The following DAAM1 variants were observed in gnomAD, a reference collection of about 807,000 sequenced individuals.
The protein encoded by DAAM1 is dishevelled associated activator of morphogenesis 1.
Under a neutral mutation model 130.0 loss-of-function variants are expected in DAAM1, and 52 were observed. The observed-to-expected ratio is 0.40, with a 90% CI of 0.32 to 0.50. The LOEUF is 0.50. Ranked by LOEUF, DAAM1 falls within the 20% of genes least tolerant of loss-of-function variation. The pLI, the probability that DAAM1 is intolerant of heterozygous loss-of-function variation, is 0.61. For synonymous variants in DAAM1, 452 were observed against 444.5 expected (o/e 1.02, Z -0.21); for missense variants, 1,134 against 1,303.8 (o/e 0.87, Z 2.01).
chr14:59,353,947 T>G lies in DAAM1; in HGVS notation c.2339T>G (p.Val780Gly). 1 of 1,613,902 alleles carries G rather than the reference T, an allele frequency of 6.2e-7. No individual in the cohort carries two copies. The highest frequency in any genetic ancestry group is 8.5e-7 in the Non-Finnish European group (1 of 1,179,884). ...AAGTTTGCAGAGCGTGTGGCAGAAG[T>G]GAAACCTAAAGTGGAAGGTAAAGTC... ...KKKFAERVAEVKPKVEAIRSG... is the reference protein window; with the variant it reads ...KKKFAERVAEGKPKVEAIRSG... The change falls in exon 19 of 25, where the codon GTG (valine) becomes GGG (glycine). Residue 780 changes from valine (V) to glycine (G), a missense_variant. Around this residue, in one of 3 missense-constraint regions of DAAM1, gnomAD observed 644 missense variants for 695.9 expected, o/e 0.93. Transcript: ENST00000360909.
At chr14:59,239,920 G>C (rs924582707) in intron 1 of DAAM1, among the ~76,000 whole-genome samples, 2 of 152,112 alleles carry the variant, frequency 1.3e-5, no homozygotes, top group Non-Finnish European at 2.9e-5. Flanking sequence ...TCCCTGATAG[G>C]CTTATTTAAG....
intron 2 of DAAM1, among the ~76,000 whole-genome samples, chr14:59,285,838 C>T (rs1436517280): frequency 2.0e-5 from 3 of 152,036 alleles, no homozygotes; most frequent in Non-Finnish European, 4.4e-5. Flanking sequence ...ACTTCAACAC[C>T]CTACCAACAG....
At chr14:59,361,551 G>A (rs1002183799) in intron 22 of DAAM1, among the ~76,000 whole-genome samples, 1 of 152,200 alleles carries the variant, frequency 6.6e-6, no homozygotes, top group Non-Finnish European at 1.5e-5. Flanking sequence ...GTAAACTTAG[G>A]TGCATAGAGG....
chr14:59,303,332 C>G (rs12886284), intron 3 of DAAM1, among the ~76,000 whole-genome samples: 1 of 152,050 alleles, frequency 6.6e-6, no homozygotes, highest in Non-Finnish European at 1.5e-5. Flanking sequence ...GTGTATCTCA[C>G]GTCTGAGAAT....
At chr14:59,205,922 G>A (rs1410925737) in intron 1 of DAAM1, among the ~76,000 whole-genome samples, 2 of 152,068 alleles carry the variant, frequency 1.3e-5, no homozygotes, top group East Asian at 3.9e-4. Flanking sequence ...TTTTGTTTCT[G>A]TTTTTTTGAG....
rs939395961 is a variant in DAAM1 at position 59,339,946 on chromosome 14, T to C, written c.1969-128T>C. On this transcript the variant is annotated intron_variant, in intron 15 of 24. Coordinates refer to ENST00000360909, the MANE Select transcript of DAAM1 (RefSeq NM_001270520.2). The stretch of plus-strand genomic sequence containing the variant: ...CCATCATTCTCCACACTTCCCACCA[T>C]TTCAGCCTTGCCCATGTGTATACGA... The C allele has an allele frequency of 6.5e-6, 4 of 618,694 alleles. No individual in the cohort carries two copies. In the African/African-American group the frequency reaches 7.3e-5, roughly 11 times the overall value. 38.3% of individuals were successfully genotyped at this position (618,694 alleles called of 1,614,324 possible). A position where few individuals can be genotyped will look rare whatever the true frequency, so the allele number is the denominator to read the frequency against.
chr14:59,199,344 C>A (rs896286458), intron 1 of DAAM1, among the ~76,000 whole-genome samples: 1 of 152,088 alleles, frequency 6.6e-6, no homozygotes, highest in Non-Finnish European at 1.5e-5. Flanking sequence ...GCAATCCTCC[C>A]GCCTCAGCCT....
intron 4 of DAAM1, 123 bp from the exon 5 acceptor site, chr14:59,320,366 AC>A: frequency 2.7e-6 from 2 of 752,814 alleles, no homozygotes; most frequent in South Asian, 4.4e-5. Flanking sequence ...GACTTAACTT[AC>A]TTAATCATAG....
chr14:59,284,920 A>G (rs945423803), intron 2 of DAAM1, among the ~76,000 whole-genome samples: 2 of 152,164 alleles, frequency 1.3e-5, no homozygotes, highest in African/African-American at 2.4e-5. Flanking sequence ...CCCCAGTCTC[A>G]CTAGAGGGGT....
At chr14:59,241,188 A>AT (rs1170037918) in intron 1 of DAAM1, among the ~76,000 whole-genome samples, 1 of 152,192 alleles carries the variant, frequency 6.6e-6, no homozygotes, top group African/African-American at 2.4e-5. Flanking sequence ...GAGGAAAAAC[A>AT]TTTTTTTGAG....
At chr14:59,302,900 C>G (rs1258299496) in intron 3 of DAAM1, among the ~76,000 whole-genome samples, 1 of 152,134 alleles carries the variant, frequency 6.6e-6, no homozygotes, top group African/African-American at 2.4e-5. Flanking sequence ...GTGATCTACC[C>G]GCCTTGGCCT....
chr14:59,336,649 A>C (rs1222734386), intron 15 of DAAM1, among the ~76,000 whole-genome samples: 2 of 152,206 alleles, frequency 1.3e-5, no homozygotes, highest in Non-Finnish European at 2.9e-5. Flanking sequence ...ACCTCTAGAA[A>C]GAAAATGTAT....
chr14:59,366,737 T>A (rs1336171204), intron 23 of DAAM1, among the ~76,000 whole-genome samples: 2 of 152,080 alleles, frequency 1.3e-5, no homozygotes, highest in Non-Finnish European at 2.9e-5. Context: ...AAATATAGGC[T>A]CACTAAAATC....
At chr14:59,333,317 G>A (rs1404372760) in intron 15 of DAAM1, among the ~76,000 whole-genome samples, 1 of 152,074 alleles carries the variant, frequency 6.6e-6, no homozygotes, top group Admixed American at 6.5e-5. Context: ...GGCAAACTTG[G>A]GCAATGCTAT....
In DAAM1 at chr14:59,292,864, A is replaced by G. The variant is rs550908120; in HGVS notation, c.273+1558A>G. Among the ~76,000 whole-genome samples the G allele has an allele frequency of 5.3e-5, 8 of 152,288 alleles. No homozygotes were observed. In the South Asian group the frequency reaches 1.4e-3, roughly 28 times the overall value. ...AAATGTCTTCCTCTCCTCTTCTGCC[A>G]TTTCTCTTTGTATACATTGAACCAA... On this transcript the variant is annotated intron_variant, in intron 3 of 24. Transcript: ENST00000360909.
At chr14:59,268,928 C>T (rs574419061) in intron 2 of DAAM1, among the ~76,000 whole-genome samples, 226 of 152,258 alleles carry the variant, frequency 1.5e-3, no homozygotes, top group Middle Eastern at 0.01. Context: ...CCAACCTATC[C>T]GAAGAGTCCT....
chr14:59,282,062 C>G (rs1039696186), intron 2 of DAAM1, among the ~76,000 whole-genome samples: 2 of 152,146 alleles, frequency 1.3e-5, no homozygotes, highest in African/African-American at 4.8e-5. Context: ...TGCTTTCTAC[C>G]TCTTTACTTC....
At chr14:59,189,312 C>A (rs1887654699) in intron 1 of DAAM1, among the ~76,000 whole-genome samples, 1 of 152,240 alleles carries the variant, frequency 6.6e-6, no homozygotes, top group South Asian at 2.1e-4. Flanking sequence ...ACCCTCACTT[C>A]CAGCCCCATT....
At chr14:59,254,274 C>T (rs902409965) in intron 1 of DAAM1, among the ~76,000 whole-genome samples, 2 of 152,078 alleles carry the variant, frequency 1.3e-5, no homozygotes, top group Non-Finnish European at 2.9e-5. Context: ...TGACTGCTGG[C>T]CTTAGTCTCA....
Sources: allele counts gnomAD v4.1 joint callset (sites outside exome capture counted in the v4.1 genomes callset), GRCh38; gene constraint gnomAD v4.1.1; regional missense constraint gnomAD v4.1.1; transcripts MANE v1.5; gene names NCBI Gene and HGNC (gene_info 2026-07-23, HGNC 2026-07-21).